The following POPDC1 variants were observed in gnomAD, a reference collection of about 807,000 sequenced individuals.
The protein encoded by POPDC1 is popeye domain-containing protein 1.
the POPDC1 span, among the ~76,000 whole-genome samples, chr6:105,130,678 A>G: frequency 6.6e-6 from 1 of 152,306 alleles, no homozygotes; most frequent in South Asian, 2.1e-4. Context: ...ACTACACTAT[A>G]GGGTATAAAC....
the POPDC1 span, chr6:105,133,359 T>C: frequency 2.5e-6 from 4 of 1,611,536 alleles, no homozygotes; most frequent in Admixed American, 1.7e-5. Context: ...TACCTAGAGT[T>C]AACATTCCCC....
At chr6:105,125,403 A>AT in the POPDC1 span, 1 of 1,614,216 alleles carries the variant, frequency 6.2e-7, no homozygotes, top group Non-Finnish European at 8.5e-7. Context: ...TCCCTTCAAG[A>AT]GAATACTCAG....
At chr6:105,128,770 T>A in the POPDC1 span, among the ~76,000 whole-genome samples, 2 of 152,202 alleles carry the variant, frequency 1.3e-5, no homozygotes, top group African/African-American at 2.4e-5. Flanking sequence ...TACTGAATGT[T>A]TGTTTGTGCT....
the POPDC1 span, chr6:105,124,498 T>A: frequency 7.7e-7 from 1 of 1,293,386 alleles, no homozygotes; most frequent in Non-Finnish European, 1.1e-6. Flanking sequence ...GGATTCTGAA[T>A]GAGATGCAAA....
chr6:105,105,329 A>C, the POPDC1 span, among the ~76,000 whole-genome samples: 14 of 152,210 alleles, frequency 9.2e-5, no homozygotes, highest in Non-Finnish European at 1.8e-4. Context: ...GCTTGGAATT[A>C]GAATCACGGA....
the POPDC1 span, among the ~76,000 whole-genome samples, chr6:105,130,729 T>G: frequency 2.0e-5 from 3 of 152,194 alleles, no homozygotes; most frequent in African/African-American, 7.2e-5. Context: ...TATTGAATAC[T>G]GCAGGCAATT....
the POPDC1 span, among the ~76,000 whole-genome samples, chr6:105,135,673 G>A: frequency 2.0e-5 from 3 of 151,922 alleles, no homozygotes; most frequent in Non-Finnish European, 4.4e-5. Flanking sequence ...TTTTTAGAAG[G>A]TACGGTCATC....
the POPDC1 span, among the ~76,000 whole-genome samples, chr6:105,129,175 G>C: frequency 6.6e-6 from 1 of 152,012 alleles, no homozygotes; most frequent in Non-Finnish European, 1.5e-5. Context: ...GATTTTTAAA[G>C]TTTTAAAAAC....
At chr6:105,116,786 A>C in the POPDC1 span, 2 of 1,612,782 alleles carry the variant, frequency 1.2e-6, no homozygotes, top group Non-Finnish European at 1.7e-6. Context: ...TTCATACAAG[A>C]AAGGTTCTGA....
the POPDC1 span, among the ~76,000 whole-genome samples, chr6:105,124,211 T>C: frequency 2.0e-5 from 3 of 151,872 alleles, no homozygotes; most frequent in Non-Finnish European, 2.9e-5. Context: ...TGAAACCCCG[T>C]TGCTACTAAA....
At chr6:105,112,895 C>A in the POPDC1 span, among the ~76,000 whole-genome samples, 1 of 151,828 alleles carries the variant, frequency 6.6e-6, no homozygotes, top group African/African-American at 2.4e-5. Flanking sequence ...TAAAAAAACA[C>A]AGAGGTAATC....
the POPDC1 span, among the ~76,000 whole-genome samples, chr6:105,106,184 G>A: frequency 1.1e-4 from 16 of 152,094 alleles, no homozygotes; most frequent in African/African-American, 3.9e-4. Flanking sequence ...CTGAAACCCA[G>A]ACTTAACAGG....
At chr6:105,115,883 C>A in the POPDC1 span, 1 of 1,573,150 alleles carries the variant, frequency 6.4e-7, no homozygotes, top group Non-Finnish European at 8.7e-7. Context: ...TCATACATTC[C>A]ATTTAAGCAG....
At chr6:105,112,081 A>G in the POPDC1 span, among the ~76,000 whole-genome samples, 2 of 152,194 alleles carry the variant, frequency 1.3e-5, no homozygotes, top group Non-Finnish European at 2.9e-5. Context: ...CCACACTGGT[A>G]TCACCTGGGC....
the POPDC1 span, chr6:105,101,130 G>C: frequency 6.2e-7 from 1 of 1,613,684 alleles, no homozygotes; most frequent in South Asian, 1.1e-5. Context: ...GGAGATGCCG[G>C]TTCAAAAACG....
At chr6:105,101,060 C>T in the POPDC1 span, 92 of 1,586,142 alleles carry the variant, frequency 5.8e-5, no homozygotes, top group African/African-American at 9.0e-4. Context: ...AGACACCTTC[C>T]GTCTTGGTAA....
the POPDC1 span, among the ~76,000 whole-genome samples, chr6:105,118,016 G>A: frequency 1.3e-5 from 2 of 152,192 alleles, no homozygotes; most frequent in East Asian, 1.9e-4. Context: ...CACTACACTC[G>A]ATCATACAGT....
At chr6:105,108,597 C>T in the POPDC1 span, among the ~76,000 whole-genome samples, 2 of 152,052 alleles carry the variant, frequency 1.3e-5, no homozygotes, top group Non-Finnish European at 2.9e-5. Flanking sequence ...GGCAATGAAA[C>T]AACTTTAGGG....
At chr6:105,135,500 C>T in the POPDC1 span, among the ~76,000 whole-genome samples, 1 of 152,096 alleles carries the variant, frequency 6.6e-6, no homozygotes, top group Non-Finnish European at 1.5e-5. Context: ...TGTTGCCCCT[C>T]GAGTTCACCC....
Sources: gnomAD v4.1 joint callset for allele counts (sites outside exome capture counted in the v4.1 genomes callset) on GRCh38, gnomAD v4.1.1 for gene constraint, MANE v1.5 for transcripts, NCBI Gene and HGNC (gene_info 2026-07-23, HGNC 2026-07-21) for gene names.